Variants in PRKG1 observed in about 807,000 individuals in gnomAD.
PRKG1 encodes cGMP-dependent protein kinase 1.
A neutral mutation model predicts 88.1 loss-of-function variants in PRKG1; 35 were observed. The ratio of observed to expected loss-of-function variants is 0.40; its 90% CI spans 0.30 to 0.53. The LOEUF (loss-of-function observed/expected upper bound fraction) is 0.53. Ranked by LOEUF, PRKG1 falls within the 20% of genes least tolerant of loss-of-function variation. The pLI is 0.59. For synonymous variants in PRKG1, 303 were observed against 292.5 expected, an observed-to-expected ratio of 1.04 and a Z score of -0.37; for missense variants, 540 against 839.8, an observed-to-expected ratio of 0.64 and a Z score of 4.41.
chr10:51,826,540 TA>T (rs1839886359), intron 4 of PRKG1, among the ~76,000 whole-genome samples: 1 of 152,130 alleles, frequency 6.6e-6, no homozygotes, highest in African/African-American at 2.4e-5. Flanking sequence ...CACAAATGGA[TA>T]AAAGCTATTA....
intron 1 of PRKG1, among the ~76,000 whole-genome samples, chr10:51,116,191 A>G (rs986734525): frequency 2.6e-5 from 4 of 152,204 alleles, no homozygotes; most frequent in African/African-American, 7.2e-5. Flanking sequence ...GAATGGTAAA[A>G]TGCTGCATCA....
At chr10:51,704,262 T>G (rs1466653487) in intron 3 of PRKG1, among the ~76,000 whole-genome samples, 1 of 151,874 alleles carries the variant, frequency 6.6e-6, no homozygotes, top group Non-Finnish European at 1.5e-5. Context: ...GATAGATAGA[T>G]AGATAGATAG....
chr10:52,016,472 T>C (rs572732589), intron 5 of PRKG1, among the ~76,000 whole-genome samples: 1 of 152,284 alleles, frequency 6.6e-6, no homozygotes, highest in South Asian at 2.1e-4. Context: ...GATTACAATT[T>C]GAGATGAGAT....
chr10:51,513,056 T>C (rs1589034314), intron 3 of PRKG1, among the ~76,000 whole-genome samples: 2 of 151,574 alleles, frequency 1.3e-5, no homozygotes, highest in East Asian at 3.9e-4. Context: ...GTTTTTTTCT[T>C]GTAAATTTGT....
intron 7 of PRKG1, among the ~76,000 whole-genome samples, chr10:52,109,760 C>T (rs1461522803): frequency 1.3e-5 from 2 of 151,506 alleles, no homozygotes; most frequent in African/African-American, 4.9e-5. Context: ...CAGACTCCAT[C>T]TCAAAAAAAA....
intron 3 of PRKG1, among the ~76,000 whole-genome samples, chr10:51,493,018 T>C (rs74132513): frequency 0.017 from 2,620 of 152,166 alleles, 54 homozygotes; most frequent in African/African-American, 0.044. Context: ...TATGTCTTCA[T>C]TTCTCCCTAA....
rs557113136 is a variant in PRKG1, at chr10:52,051,075, C to T, written c.763-3409C>T. 3.3e-5 allele frequency among the ~76,000 whole-genome samples: 5 copies of T among 152,190 alleles called. No homozygotes were observed. In the South Asian group the frequency reaches 1.0e-3, roughly 32 times the overall value. ...TCTCCCTACAATAAGAACGAATGGC[C>T]TCAAAATGTCAATAGTGCTGAGGTT... On this transcript the variant is annotated intron_variant, in intron 5 of 17. Coordinates refer to ENST00000373980, the MANE Select transcript of PRKG1 (RefSeq NM_006258.4).
intron 9 of PRKG1, among the ~76,000 whole-genome samples, chr10:52,193,575 A>AACCAAAAAAAAAAAAC (rs375607984): frequency 2.1e-5 from 3 of 140,948 alleles, no homozygotes; most frequent in Admixed American, 7.1e-5. Context: ...AAAAAAAAAA[A>AACCAAAAAAAAAAAAC]CAAAAAAAAA....
chr10:51,904,419 A>G (rs1258653713), intron 4 of PRKG1, among the ~76,000 whole-genome samples: 1 of 152,082 alleles, frequency 6.6e-6, no homozygotes, highest in Non-Finnish European at 1.5e-5. Flanking sequence ...AAACTAAACT[A>G]ATATATTTCG....
At chr10:51,092,673 G>A (rs1844426606) in intron 1 of PRKG1, among the ~76,000 whole-genome samples, 1 of 152,162 alleles carries the variant, frequency 6.6e-6, no homozygotes, top group Non-Finnish European at 1.5e-5. Flanking sequence ...AGCACTGTTA[G>A]CTTGCTTTCT....
At chr10:51,796,655 A>C (rs1323149651) in intron 3 of PRKG1, among the ~76,000 whole-genome samples, 1 of 152,102 alleles carries the variant, frequency 6.6e-6, no homozygotes, top group Non-Finnish European at 1.5e-5. Context: ...GGGCTAAGGG[A>C]TACCCAGATA....
At chr10:52,154,638 G>C (rs976464629) in intron 8 of PRKG1, among the ~76,000 whole-genome samples, 1 of 152,052 alleles carries the variant, frequency 6.6e-6, no homozygotes, top group Admixed American at 6.6e-5. Flanking sequence ...CCTTTATTAA[G>C]ATGCATATAT....
intron 1 of PRKG1, among the ~76,000 whole-genome samples, chr10:51,118,048 G>C (rs900781172): frequency 1.4e-4 from 21 of 152,120 alleles, no homozygotes; most frequent in African/African-American, 5.1e-4. Flanking sequence ...CATAGATGTT[G>C]GATGAGGGGA....
Position 52,280,797 on chromosome 10 carries a change from T to C in PRKG1, c.1412T>C (p.Phe471Ser). Reference sequence around the variant, plus strand: ...CCATTTCTGCACCTCAGAGGTTCGTTTGAAGATTCTACAACCAGATTTTAC... The same window carrying C: ...CCATTTCTGCACCTCAGAGGTTCGTCTGAAGATTCTACAACCAGATTTTAC... ...LWTILRDRGS[F>S]EDSTTRFYTA... The change falls in exon 13 of 18, where the codon TTT becomes TCT. Residue 471 changes from phenylalanine (F) to serine (S), a missense_variant. Phe to Ser is a radical substitution (Grantham distance 155). Around this residue, in one of 5 missense-constraint regions of PRKG1, gnomAD observed 400 missense variants for 562.7 expected, o/e 0.71. Coordinates refer to ENST00000373980, the MANE Select transcript of PRKG1 (RefSeq NM_006258.4). 1 of 1,613,022 alleles carries C rather than the reference T, an allele frequency of 6.2e-7. No homozygotes were observed. The highest frequency in any genetic ancestry group is 8.5e-7 in the Non-Finnish European group (1 of 1,179,286).
chr10:51,688,940 T>TG (rs968907869), intron 3 of PRKG1, among the ~76,000 whole-genome samples: 16 of 152,156 alleles, frequency 1.1e-4, no homozygotes, highest in Non-Finnish European at 1.2e-4. Context: ...GACTGAATCA[T>TG]GGGGGTGGTC....
chr10:52,128,644 G>A (rs1456251254), intron 7 of PRKG1: 3 of 925,422 alleles, frequency 3.2e-6, no homozygotes, highest in Non-Finnish European at 3.9e-6. Context: ...TGTTAGAAGT[G>A]GCTTAAAAAG....
intron 14 of PRKG1, among the ~76,000 whole-genome samples, chr10:52,284,087 C>CT (rs1842060092): frequency 1.3e-5 from 2 of 151,678 alleles, no homozygotes; most frequent in African/African-American, 4.8e-5. Flanking sequence ...ACAGAAAAAC[C>CT]TTTAATCCTT....
chr10:51,780,430 T>C (rs60914702), intron 3 of PRKG1, among the ~76,000 whole-genome samples: 135 of 152,272 alleles, frequency 8.9e-4, no homozygotes, highest in African/African-American at 3.0e-3. Flanking sequence ...CACATATTTT[T>C]CTGTCTTCAG....
In PRKG1 at chr10:51,075,476, C is replaced by T. The variant is rs76135278; in HGVS notation, c.311+575C>T. 1.5e-3 allele frequency among the ~76,000 whole-genome samples: 230 copies of T among 152,278 alleles called. 1 individual carries two copies. Among genetic ancestry groups the T allele is most frequent in the African/African-American group, 5.5e-3 (228 of 41,548 alleles). On this transcript the variant is annotated intron_variant, in intron 1 of 17. Coordinates refer to ENST00000373980, the MANE Select transcript of PRKG1 (RefSeq NM_006258.4). The stretch of plus-strand genomic sequence containing the variant: ...AGAAAAAGGAAGAATTTTTGATTTC[C>T]TGAATTGGATGACATTTACAATCCA...
Sources: allele counts gnomAD v4.1 joint callset (sites outside exome capture counted in the v4.1 genomes callset), GRCh38; gene constraint gnomAD v4.1.1; regional missense constraint gnomAD v4.1.1; transcripts MANE v1.5; gene names NCBI Gene and HGNC (gene_info 2026-07-23, HGNC 2026-07-21).